The following RUNX2 variants were observed in gnomAD, a reference collection of about 807,000 sequenced individuals.
RUNX2 encodes RUNX family transcription factor 2, also known as runt-related transcription factor 2.
Under a neutral mutation model 51.7 loss-of-function variants are expected in RUNX2, and 10 were observed. The observed-to-expected ratio is 0.19, with a 90% CI of 0.12 to 0.33. The LOEUF is 0.33. Among genes scored for constraint, RUNX2 ranks in the 10% least tolerant of loss-of-function variants. The probability of loss-of-function intolerance (pLI) is 1.00; values close to 1 mark genes in which losing one functional copy is unlikely to be tolerated. For synonymous variants in RUNX2, 276 were observed against 273.6 expected (o/e 1.01, Z -0.09); for missense variants, 562 against 691.3 (o/e 0.81, Z 2.10).
At chr6:45,415,608 G>T (rs1399154396) in intron 2 of RUNX2, among the ~76,000 whole-genome samples, 1 of 152,194 alleles carries the variant, frequency 6.6e-6, no homozygotes, top group Non-Finnish European at 1.5e-5. Flanking sequence ...CAGCAGCTGG[G>T]CTTTGGAGAA....
At chr6:45,359,637 T>C (rs1258277859) in intron 2 of RUNX2, among the ~76,000 whole-genome samples, 4 of 152,218 alleles carry the variant, frequency 2.6e-5, no homozygotes, top group Admixed American at 1.3e-4. Flanking sequence ...AATAAGTATA[T>C]AGTAAGTATA....
At chr6:45,477,923 C>G (rs1370994782) in intron 5 of RUNX2, among the ~76,000 whole-genome samples, 3 of 152,088 alleles carry the variant, frequency 2.0e-5, no homozygotes, top group Non-Finnish European at 4.4e-5. Flanking sequence ...AGCATCTGCT[C>G]TGCCCAACTG....
chr6:45,450,472 G>A (rs909115970), intron 5 of RUNX2, among the ~76,000 whole-genome samples: 1 of 152,156 alleles, frequency 6.6e-6, no homozygotes, highest in Non-Finnish European at 1.5e-5. Flanking sequence ...TCCCTTTGAG[G>A]AGCCTACATT....
In RUNX2 at chr6:45,422,696, G is replaced by GCAGCAGCAGCAA. The variant is rs773265213; in HGVS notation, c.174_185dup (p.Gln68_Gln71dup). ...TGGCTGCGCAACAGCAGCAGCAACA[G>GCAGCAGCAGCAA]CAGCAGCAGCAACAGCAGCAGCAGC... is the stretch of plus-strand genomic sequence containing the variant. On this transcript the variant is annotated inframe_insertion, in exon 3 of 9. Transcript: ENST00000647337. 2.4e-4 allele frequency: 378 copies of GCAGCAGCAGCAA among 1,593,080 alleles called. 1 individual carries two copies. The Middle Eastern group carries it at 9.5e-3, about 40-fold the overall frequency.
At chr6:45,332,202 C>CT (rs1192419429) in intron 2 of RUNX2, among the ~76,000 whole-genome samples, 2 of 151,072 alleles carry the variant, frequency 1.3e-5, no homozygotes, top group South Asian at 2.1e-4. Context: ...TGTATCACAA[C>CT]TTTTTTTTTC....
intron 7 of RUNX2, among the ~76,000 whole-genome samples, chr6:45,537,909 C>A (rs947352495): frequency 1.3e-5 from 2 of 152,190 alleles, no homozygotes; most frequent in Non-Finnish European, 2.9e-5. Flanking sequence ...AAAACAACCC[C>A]AGGTCCCCAA....
rs1453728326 is a variant in RUNX2, at chr6:45,550,575, T to C, written c.*3270T>C. On this transcript the variant is annotated 3_prime_UTR_variant, in exon 9 of 9. Transcript: ENST00000647337. ...AAAGAACAATAATAAAAGACACTTC[T>C]TCCAAACCTTGAATTTGTTGTTTTT... is the stretch of plus-strand genomic sequence containing the variant. 6.5e-6 allele frequency: 1 copy of C among 152,682 alleles called. No homozygotes were observed. The highest frequency in any genetic ancestry group is 1.5e-5 in the Non-Finnish European group (1 of 68,046). 9.5% of individuals were successfully genotyped at this position (152,682 alleles called of 1,614,324 possible). A position where few individuals can be genotyped will look rare whatever the true frequency, so the allele number is the denominator to read the frequency against.
intron 2 of RUNX2, chr6:45,421,070 A>G (rs991796495): frequency 6.6e-6 from 1 of 152,170 alleles, no homozygotes; most frequent in African/African-American, 2.4e-5. Context: ...ATAAACAGCC[A>G]CGGAAGCATT....
chr6:45,418,289 C>T (rs1396847032), intron 2 of RUNX2, among the ~76,000 whole-genome samples: 4 of 151,964 alleles, frequency 2.6e-5, no homozygotes, highest in Non-Finnish European at 5.9e-5. Flanking sequence ...CTTCACATCT[C>T]ATTTTCTTTG....
intron 2 of RUNX2, among the ~76,000 whole-genome samples, chr6:45,406,549 G>A (rs567807188): frequency 1.3e-5 from 2 of 152,226 alleles, no homozygotes; most frequent in South Asian, 4.2e-4. Context: ...CAAGTAGCTG[G>A]GACTACAGGC....
At chr6:45,463,397 G>C (rs1475026956) in intron 5 of RUNX2, among the ~76,000 whole-genome samples, 1 of 152,190 alleles carries the variant, frequency 6.6e-6, no homozygotes, top group Non-Finnish European at 1.5e-5. Context: ...ATGCTAAATA[G>C]ACTGCCATTA....
intron 5 of RUNX2, among the ~76,000 whole-genome samples, chr6:45,445,849 G>A (rs576491736): frequency 1.1e-3 from 160 of 152,222 alleles, no homozygotes; most frequent in African/African-American, 3.6e-3. Context: ...GGTCAGAAGC[G>A]CTGGTGGAGG....
chr6:45,350,542 C>G (rs1436774088), intron 2 of RUNX2, among the ~76,000 whole-genome samples: 2 of 152,130 alleles, frequency 1.3e-5, no homozygotes, highest in Non-Finnish European at 2.9e-5. Flanking sequence ...TAGTCACAAA[C>G]TTGCTGAGTA....
chr6:45,512,196 A>G, intron 6 of RUNX2, 50 bp from the exon 7 acceptor site: 1 of 1,594,658 alleles, frequency 6.3e-7, no homozygotes. Flanking sequence ...GCATGTTTCT[A>G]AGGCTGCAAT....
intron 5 of RUNX2, among the ~76,000 whole-genome samples, chr6:45,466,172 C>A (rs535978244): frequency 3.3e-5 from 5 of 151,480 alleles, no homozygotes; most frequent in Admixed American, 2.0e-4. Flanking sequence ...AAAAATTAGC[C>A]GAGTGTGGTG....
chr6:45,364,062 C>A, intron 2 of RUNX2, among the ~76,000 whole-genome samples: 1 of 151,376 alleles, frequency 6.6e-6, no homozygotes, highest in Admixed American at 6.6e-5. Flanking sequence ...TTGCAGTGAG[C>A]CAAGATTGTG....
At chr6:45,367,612 C>A (rs544447660) in intron 2 of RUNX2, among the ~76,000 whole-genome samples, 69 of 152,234 alleles carry the variant, frequency 4.5e-4, no homozygotes, top group Non-Finnish European at 6.9e-4. Context: ...AGAAGGCTGA[C>A]AGAGCTATCT....
chr6:45,411,742 T>G (rs1457295791), intron 2 of RUNX2, among the ~76,000 whole-genome samples: 1 of 152,180 alleles, frequency 6.6e-6, no homozygotes, highest in Non-Finnish European at 1.5e-5. Flanking sequence ...TCAACCAGTT[T>G]TCATGTTTGT....
chr6:45,348,839 T>C (rs928686082), intron 2 of RUNX2, among the ~76,000 whole-genome samples: 1 of 152,196 alleles, frequency 6.6e-6, no homozygotes, highest in African/African-American at 2.4e-5. Flanking sequence ...TCCTTCATGT[T>C]TCAGCTTAAA....
Sources: gnomAD v4.1 joint callset for allele counts (sites outside exome capture counted in the v4.1 genomes callset) on GRCh38, gnomAD v4.1.1 for gene constraint, MANE v1.5 for transcripts, NCBI Gene and HGNC (gene_info 2026-07-23, HGNC 2026-07-21) for gene names.